Variants in PHACTR1 observed in about 807,000 individuals in gnomAD.
PHACTR1 encodes RPEL repeat containing 1.
In PHACTR1, 16 loss-of-function variants were observed where a neutral mutation model predicts 69.2. The observed-to-expected ratio is 0.23, with a 90% CI of 0.16 to 0.35. The LOEUF (loss-of-function observed/expected upper bound fraction) is 0.35. Ranked by LOEUF, PHACTR1 falls within the 10% of genes least tolerant of loss-of-function variation. The pLI is 1.00. For missense variants in PHACTR1, 510 were observed against 734.7 expected (o/e 0.69, Z 3.54); for synonymous variants, 312 against 284.5 (o/e 1.10, Z -0.97).
At chr6:13,111,600 T>C (rs1214781816) in intron 5 of PHACTR1, among the ~76,000 whole-genome samples, 1 of 152,162 alleles carries the variant, frequency 6.6e-6, no homozygotes, top group Non-Finnish European at 1.5e-5. Flanking sequence ...CGGTTATTAA[T>C]TTGAGATGTT....
At position 13,190,198 on chromosome 6, in the gene PHACTR1, A is replaced by ATTTTTTT. The variant is rs1215055032; in HGVS notation, c.664+7522_664+7528dup. On this transcript the variant is annotated intron_variant, in intron 7 of 14. Transcript: ENST00000332995. ...GCCACTATGCTCAGCTAATTTTTGT[A>ATTTTTTT]TTTTTTTTTTTTTTTTAGTAGAGGT... Among the ~76,000 whole-genome samples, 19 of 87,250 alleles carry ATTTTTTT rather than the reference A, an allele frequency of 2.2e-4. 3 individuals are homozygous for ATTTTTTT. Among genetic ancestry groups the ATTTTTTT allele is most frequent in the African/African-American group, 7.6e-4 (16 of 21,082 alleles). The allele number at this position is 87,250 out of a possible 152,430, so 57.2% of individuals were successfully genotyped here.
chr6:12,786,679 C>A (rs957291154), intron 4 of PHACTR1, among the ~76,000 whole-genome samples: 3 of 152,202 alleles, frequency 2.0e-5, no homozygotes, highest in African/African-American at 7.2e-5. Flanking sequence ...ACAGCTGGTT[C>A]AGGCGTACAA....
chr6:13,166,109 G>A (rs9395495), intron 6 of PHACTR1, among the ~76,000 whole-genome samples: 85,156 of 151,898 alleles, frequency 0.56, 24,364 homozygotes, highest in Non-Finnish European at 0.61. Context: ...CGTTGGCTGC[G>A]CCTTCTTCCA....
At chr6:13,242,191 C>G (rs1772954950) in intron 10 of PHACTR1, among the ~76,000 whole-genome samples, 2 of 152,182 alleles carry the variant, frequency 1.3e-5, no homozygotes, top group African/African-American at 4.8e-5. Flanking sequence ...CCATTACATG[C>G]TTCTAGAACA....
rs1778671418 is a variant in PHACTR1 at position 13,275,375 on chromosome 6, G to A, written c.1447+2460G>A. On this transcript the variant is annotated intron_variant, in intron 11 of 14. Coordinates refer to ENST00000332995, the MANE Select transcript of PHACTR1 (RefSeq NM_030948.6). The surrounding 1 kb of genome is among the most constrained non-coding windows in gnomAD (Gnocchi z 4.0). ...GGGGTTGTCTTGGTACCTTCTGCCT[G>A]AAAATTCATGAACCTGGGTTGGTCA... 6.6e-6 allele frequency: 1 copy of A among 152,276 alleles called. No individual in the cohort carries two copies. Among genetic ancestry groups the A allele is most frequent in the Admixed American group, 6.5e-5 (1 of 15,284 alleles). 9.4% of individuals were successfully genotyped at this position (152,276 alleles called of 1,614,324 possible).
chr6:12,912,292 G>A (rs1786500501), intron 4 of PHACTR1, among the ~76,000 whole-genome samples: 1 of 152,196 alleles, frequency 6.6e-6, no homozygotes, highest in South Asian at 2.1e-4. Flanking sequence ...GAGCCACCGT[G>A]CTTGGCCCAA....
At chr6:12,894,362 T>G (rs1784444077) in intron 4 of PHACTR1, among the ~76,000 whole-genome samples, 1 of 152,218 alleles carries the variant, frequency 6.6e-6, no homozygotes, top group South Asian at 2.1e-4. Context: ...CTCAGCACTT[T>G]GGGAGTCAAA....
chr6:13,043,976 G>C (rs1354743307), intron 4 of PHACTR1, among the ~76,000 whole-genome samples: 1 of 152,140 alleles, frequency 6.6e-6, no homozygotes, highest in Non-Finnish European at 1.5e-5. Context: ...GTTAGTGGTT[G>C]AAGGATACAT....
intron 4 of PHACTR1, among the ~76,000 whole-genome samples, chr6:12,755,695 A>G (rs527727204): frequency 6.6e-6 from 1 of 152,308 alleles, no homozygotes; most frequent in African/African-American, 2.4e-5. Context: ...TAAGATATTA[A>G]AGAAATTTTA....
At chr6:12,894,661 CT>C (rs1213562324) in intron 4 of PHACTR1, among the ~76,000 whole-genome samples, 4 of 152,122 alleles carry the variant, frequency 2.6e-5, no homozygotes. Context: ...GCTGTCACCC[CT>C]AACCACATAG....
At position 12,979,480 on chromosome 6, in the gene PHACTR1, T is replaced by G. The variant is rs190481665; in HGVS notation, c.251-73885T>G. 3.3e-3 allele frequency among the ~76,000 whole-genome samples: 499 copies of G among 152,268 alleles called. 2 individuals are homozygous for G. Among genetic ancestry groups the G allele is most frequent in the African/African-American group, 0.011 (475 of 41,556 alleles). ...ACCCCTCCTGAGCTCTGTTTTGCAG[T>G]TGCAGTGGGTCTCTGGTGGTCTGAC... is the stretch of plus-strand genomic sequence containing the variant. On this transcript the variant is annotated intron_variant, in intron 4 of 14. Transcript: ENST00000332995.
chr6:13,137,717 A>T (rs1418270473), intron 5 of PHACTR1, among the ~76,000 whole-genome samples: 1 of 152,270 alleles, frequency 6.6e-6, no homozygotes, highest in Non-Finnish European at 1.5e-5. Context: ...TGCTGGCATC[A>T]TTCACTAGGG....
intron 4 of PHACTR1, among the ~76,000 whole-genome samples, chr6:12,847,786 A>G (rs897928976): frequency 5.3e-5 from 8 of 152,194 alleles, no homozygotes; most frequent in African/African-American, 1.9e-4. Context: ...AAGGCAGGAA[A>G]ACAGCTAATA....
At chr6:13,176,839 T>G (rs1047142180) in intron 6 of PHACTR1, among the ~76,000 whole-genome samples, 2 of 152,130 alleles carry the variant, frequency 1.3e-5, no homozygotes, top group African/African-American at 4.8e-5. Context: ...TAAATAAGGA[T>G]TTCTTAGCTC....
At chr6:13,085,533 T>A (rs937572190) in intron 5 of PHACTR1, among the ~76,000 whole-genome samples, 2 of 152,078 alleles carry the variant, frequency 1.3e-5, no homozygotes, top group African/African-American at 4.8e-5. Flanking sequence ...AACTTCCTAA[T>A]GGAAGATGCA....
At chr6:13,236,588 C>T (rs1678396598) in intron 10 of PHACTR1, among the ~76,000 whole-genome samples, 1 of 152,162 alleles carries the variant, frequency 6.6e-6, no homozygotes, top group Non-Finnish European at 1.5e-5. Context: ...CTGCCTTCGT[C>T]TCTGCATGAT....
chr6:13,083,762 A>G (rs1337517359), intron 5 of PHACTR1, among the ~76,000 whole-genome samples: 1 of 152,040 alleles, frequency 6.6e-6, no homozygotes, highest in Non-Finnish European at 1.5e-5. Context: ...TTATTGGTGT[A>G]TAAGAATGCT....
At chr6:13,028,494 G>A (rs137981778) in intron 4 of PHACTR1, among the ~76,000 whole-genome samples, 1 of 152,284 alleles carries the variant, frequency 6.6e-6, no homozygotes, top group Admixed American at 6.5e-5. Flanking sequence ...TTCCATAGCA[G>A]GCAGTATGAC....
chr6:13,217,631 TC>T (rs1767888531), intron 8 of PHACTR1, among the ~76,000 whole-genome samples: 1 of 151,746 alleles, frequency 6.6e-6, no homozygotes, highest in African/African-American at 2.4e-5. Flanking sequence ...AAAAAAAAAC[TC>T]AAAATACATT....
Sources: gnomAD v4.1 joint callset for allele counts (sites outside exome capture counted in the v4.1 genomes callset) on GRCh38, gnomAD v4.1.1 for gene constraint, Gnocchi (gnomAD v3.1) non-coding constraint, MANE v1.5 for transcripts, NCBI Gene and HGNC (gene_info 2026-07-23, HGNC 2026-07-21) for gene names.